The following SRGAP3 variants were observed in gnomAD, a reference collection of about 807,000 sequenced individuals.
SRGAP3 encodes SLIT-ROBO Rho GTPase activating protein 3.
A neutral mutation model predicts 121.1 loss-of-function variants in SRGAP3; 39 were observed. The ratio of observed to expected loss-of-function variants is 0.32; its 90% CI spans 0.25 to 0.42. SRGAP3 has a LOEUF of 0.42. Among genes scored for constraint, SRGAP3 ranks in the 10% least tolerant of loss-of-function variants. The pLI is 1.00. For missense variants in SRGAP3, 1,213 were observed against 1,470.6 expected (o/e 0.82, Z 2.86); for synonymous variants, 601 against 570.0 (o/e 1.05, Z -0.77).
intron 3 of SRGAP3, among the ~76,000 whole-genome samples, chr3:9,295,238 A>G (rs1559264246): frequency 6.6e-6 from 1 of 152,212 alleles, no homozygotes; most frequent in African/African-American, 2.4e-5. Context: ...TGCTATGGCA[A>G]CTTAGGACTG....
At chr3:9,278,012 C>T (rs1271958302) in intron 3 of SRGAP3, among the ~76,000 whole-genome samples, 1 of 152,236 alleles carries the variant, frequency 6.6e-6, no homozygotes, top group Non-Finnish European at 1.5e-5. Flanking sequence ...ATCTATGAAC[C>T]GGAAAGCAGA....
chr3:9,003,138 C>T (rs1942860365), intron 18 of SRGAP3, among the ~76,000 whole-genome samples: 1 of 152,204 alleles, frequency 6.6e-6, no homozygotes, highest in South Asian at 2.1e-4. Context: ...AAGAAAACTA[C>T]AGACCAGTAT....
intron 1 of SRGAP3, among the ~76,000 whole-genome samples, chr3:9,181,717 AAAGTTATCATTTTTTAAAGGCCCACG>A (rs1198438176): frequency 2.0e-5 from 3 of 152,112 alleles, no homozygotes; most frequent in African/African-American, 7.2e-5. Context: ...CCAGCCAGAG[AAAGTTATCATTTTTTAAAGGCCCACG>A]TGATTAGATA....
At position 9,200,544 on chromosome 3, in the gene SRGAP3, C is replaced by T. The variant is rs1409748926; in HGVS notation, c.67+48341G>A. Among the ~76,000 whole-genome samples, 5 of 152,142 alleles carry T rather than the reference C, an allele frequency of 3.3e-5. No individual in the cohort carries two copies. In the East Asian group the frequency reaches 9.6e-4, roughly 29 times the overall value. On this transcript the variant is annotated intron_variant, in intron 1 of 21. Transcript: ENST00000383836. The stretch of plus-strand genomic sequence containing the variant: ...AGGAGAAAGCAAGTAATTCTGCCCC[C>T]AAAAAGGCGTGGGCTGAAAAGGTCT...
chr3:9,316,430 G>A (rs1043433136), intron 3 of SRGAP3, among the ~76,000 whole-genome samples: 5 of 151,574 alleles, frequency 3.3e-5, no homozygotes, highest in East Asian at 2.0e-4. Flanking sequence ...AGGCCGAGGC[G>A]GGTGGATCCC....
intron 1 of SRGAP3, among the ~76,000 whole-genome samples, chr3:9,177,771 G>A (rs142333015): frequency 6.6e-6 from 1 of 152,244 alleles, no homozygotes; most frequent in South Asian, 2.1e-4. Flanking sequence ...CTCCTTGTGG[G>A]TTCTGTGGAA....
chr3:9,056,347 C>G lies in SRGAP3; in HGVS notation c.1024-13G>C. On this transcript the variant is annotated splice_polypyrimidine_tract_variant and intron_variant, in intron 7 of 21. Coordinates refer to ENST00000383836, the MANE Select transcript of SRGAP3 (RefSeq NM_014850.4). Reference sequence around the variant, plus strand: ...TGACCTGGCAGACCTGCAGGAATAACAGCCACCATCTGTGGTTGCCCTGTG... The same window carrying G: ...TGACCTGGCAGACCTGCAGGAATAAGAGCCACCATCTGTGGTTGCCCTGTG... 6.2e-7 allele frequency: 1 copy of G among 1,611,200 alleles called. No individual in the cohort carries two copies. Among genetic ancestry groups the G allele is most frequent in the Non-Finnish European group, 8.5e-7 (1 of 1,179,730 alleles).
At chr3:9,120,859 G>A (rs764774461) in intron 2 of SRGAP3, among the ~76,000 whole-genome samples, 4 of 152,214 alleles carry the variant, frequency 2.6e-5, no homozygotes, top group South Asian at 4.1e-4. Context: ...TTTGGATCAC[G>A]TGTCACAGGG....
intron 1 of SRGAP3, among the ~76,000 whole-genome samples, chr3:9,339,737 G>T (rs1955750360): frequency 6.6e-6 from 1 of 152,072 alleles, no homozygotes; most frequent in Non-Finnish European, 1.5e-5. Context: ...CCTAACCTAG[G>T]GGCTGCCAGT....
chr3:9,026,627 CT>C (rs1264111938), intron 13 of SRGAP3, among the ~76,000 whole-genome samples: 1 of 152,212 alleles, frequency 6.6e-6, no homozygotes, highest in East Asian at 1.9e-4. Flanking sequence ...GCCGTATTAG[CT>C]GATTTACTGG....
intron 1 of SRGAP3, among the ~76,000 whole-genome samples, chr3:9,168,149 G>A (rs1950857304): frequency 6.6e-6 from 1 of 152,244 alleles, no homozygotes; most frequent in African/African-American, 2.4e-5. Flanking sequence ...TTTGTCAACA[G>A]GAGTGCAACG....
chr3:9,114,681 A>C (rs1280873791), intron 2 of SRGAP3, among the ~76,000 whole-genome samples: 2 of 152,230 alleles, frequency 1.3e-5, no homozygotes, highest in Admixed American at 6.5e-5. Flanking sequence ...CCTCATAGGC[A>C]ATGCCTGGTC....
At chr3:9,274,760 G>C (rs1208575348) in intron 3 of SRGAP3, among the ~76,000 whole-genome samples, 1 of 152,180 alleles carries the variant, frequency 6.6e-6, no homozygotes, top group Non-Finnish European at 1.5e-5. Context: ...GACAGAGTGG[G>C]AAGGTAATCT....
At chr3:9,064,017 G>A (rs1946302160) in intron 5 of SRGAP3, among the ~76,000 whole-genome samples, 1 of 151,952 alleles carries the variant, frequency 6.6e-6, no homozygotes, top group African/African-American at 2.4e-5. Flanking sequence ...CCCTACCCTT[G>A]GCCATCAAAT....
chr3:9,038,019 C>T (rs758939629), intron 11 of SRGAP3, 44 bp downstream of exon 11: 4 of 1,613,978 alleles, frequency 2.5e-6, no homozygotes, highest in South Asian at 1.1e-5. Context: ...CCCACTCCCA[C>T]CTCGGGCAGC....
intron 1 of SRGAP3, among the ~76,000 whole-genome samples, chr3:9,190,093 G>C (rs1278656987): frequency 6.6e-6 from 1 of 152,208 alleles, no homozygotes. Context: ...CCCAGGACCA[G>C]TAAGTGACAA....
At chr3:9,320,709 C>T (rs564347886) in intron 3 of SRGAP3, among the ~76,000 whole-genome samples, 6 of 151,832 alleles carry the variant, frequency 4.0e-5, no homozygotes, top group Admixed American at 1.3e-4. Context: ...ATACAGAGAC[C>T]GAGAGTGAGA....
chr3:9,157,929 C>G (rs11712016), intron 1 of SRGAP3, among the ~76,000 whole-genome samples: 28,328 of 152,138 alleles, frequency 0.19, 3,081 homozygotes, highest in Admixed American at 0.29. Context: ...CTCAGACCCA[C>G]AAGTTTCTCT....
intron 3 of SRGAP3, among the ~76,000 whole-genome samples, chr3:9,295,129 G>T (rs1321884944): frequency 6.6e-6 from 1 of 152,078 alleles, no homozygotes. Flanking sequence ...GATCTTATGG[G>T]TGCCATCTGA....
Sources: gnomAD v4.1 joint callset for allele counts (sites outside exome capture counted in the v4.1 genomes callset) on GRCh38, gnomAD v4.1.1 for gene constraint, MANE v1.5 for transcripts, NCBI Gene and HGNC (gene_info 2026-07-23, HGNC 2026-07-21) for gene names.